The following GSTCD variants were observed in gnomAD, a reference collection of about 807,000 sequenced individuals.
GSTCD encodes the protein glutathione S-transferase C-terminal domain-containing protein.
Under a neutral mutation model 68.3 loss-of-function variants are expected in GSTCD, and 44 were observed. The ratio of observed to expected loss-of-function variants is 0.64; its 90% CI spans 0.51 to 0.83. The LOEUF (loss-of-function observed/expected upper bound fraction) is 0.83. Among genes scored for constraint, GSTCD ranks in the 40% least tolerant of loss-of-function variants. The probability of loss-of-function intolerance (pLI) is 0.00; values close to 1 mark genes in which losing one functional copy is unlikely to be tolerated. For synonymous variants in GSTCD, 273 were observed against 255.2 expected, an observed-to-expected ratio of 1.07 and a Z score of -0.67; for missense variants, 739 against 735.9, an observed-to-expected ratio of 1.00 and a Z score of -0.05.
At chr4:105,844,594 T>C (rs1254659518) in intron 11 of GSTCD, among the ~76,000 whole-genome samples, 1 of 152,220 alleles carries the variant, frequency 6.6e-6, no homozygotes, top group Non-Finnish European at 1.5e-5. Flanking sequence ...TTAGCCATTA[T>C]TATAATTGTT....
chr4:105,738,275 T>G (rs1452656583), intron 5 of GSTCD, among the ~76,000 whole-genome samples: 1 of 152,252 alleles, frequency 6.6e-6, no homozygotes, highest in Non-Finnish European at 1.5e-5. Flanking sequence ...AGTGCCACAC[T>G]ATTTTGGTTA....
At chr4:105,797,265 G>C (rs1735931925) in intron 5 of GSTCD, among the ~76,000 whole-genome samples, 1 of 151,046 alleles carries the variant, frequency 6.6e-6, no homozygotes, top group African/African-American at 2.4e-5. Flanking sequence ...GTTGGAACTT[G>C]TAAATAAATA....
chr4:105,717,944 C>T lies in GSTCD; in HGVS notation c.331C>T (p.His111Tyr). ...CRAGLAVVLR[H>Y]IIQKSYEADP... ...AGCAGGACTTGCTGTTGTATTGAGACACATAATCCAGAAATCCTATGAAGC... is the reference window on the plus strand; with the variant it reads ...AGCAGGACTTGCTGTTGTATTGAGATACATAATCCAGAAATCCTATGAAGC... Residue 111 changes from histidine (H) to tyrosine (Y), a missense_variant, in exon 2 of 12, where the codon CAC becomes TAC. By Grantham distance (83) the His-to-Tyr change is moderately conservative. Coordinates refer to ENST00000515279, the MANE Select transcript of GSTCD (RefSeq NM_001370181.1). 2 of 1,614,014 alleles carry T rather than the reference C, an allele frequency of 1.2e-6. No homozygotes were observed. Among genetic ancestry groups the T allele is most frequent in the Non-Finnish European group, 1.7e-6 (2 of 1,179,910 alleles).
chr4:105,778,533 G>T (rs945424468), intron 5 of GSTCD, among the ~76,000 whole-genome samples: 3 of 152,028 alleles, frequency 2.0e-5, no homozygotes, highest in Non-Finnish European at 4.4e-5. Flanking sequence ...ATGGCTTTAA[G>T]TTGTCAGCTG....
intron 5 of GSTCD, among the ~76,000 whole-genome samples, chr4:105,821,549 TACATTC>T (rs1350545137): frequency 3.9e-5 from 6 of 151,950 alleles, no homozygotes; most frequent in Non-Finnish European, 8.8e-5. Flanking sequence ...ATTTGAAATT[TACATTC>T]ATCCATGCTA....
At chr4:105,842,339 T>C (rs983167990) in intron 11 of GSTCD, among the ~76,000 whole-genome samples, 1 of 152,246 alleles carries the variant, frequency 6.6e-6, no homozygotes, top group African/African-American at 2.4e-5. Flanking sequence ...TTAACTTTAA[T>C]ACTTTTAAAT....
chr4:105,805,031 G>A (rs1244271779), intron 5 of GSTCD, among the ~76,000 whole-genome samples: 2 of 151,962 alleles, frequency 1.3e-5, no homozygotes, highest in Non-Finnish European at 2.9e-5. Flanking sequence ...TCATATTACA[G>A]CTATTATATT....
At chr4:105,743,412 A>G (rs1234483205) in intron 5 of GSTCD, among the ~76,000 whole-genome samples, 1 of 152,058 alleles carries the variant, frequency 6.6e-6, no homozygotes, top group Non-Finnish European at 1.5e-5. Flanking sequence ...ATGACTTGAA[A>G]CTACAGATCC....
At chr4:105,757,402 C>G (rs535482150) in intron 5 of GSTCD, among the ~76,000 whole-genome samples, 2 of 152,320 alleles carry the variant, frequency 1.3e-5, no homozygotes, top group Admixed American at 6.5e-5. Flanking sequence ...TTAATACCAT[C>G]TGGCCAATTA....
chr4:105,797,048 G>A (rs1241845918), intron 5 of GSTCD, among the ~76,000 whole-genome samples: 1 of 136,102 alleles, frequency 7.3e-6, no homozygotes, highest in African/African-American at 2.7e-5. Context: ...AGAGATACAT[G>A]TGTGTGTGTG....
intron 5 of GSTCD, among the ~76,000 whole-genome samples, chr4:105,798,053 A>G (rs749863361): frequency 2.0e-5 from 3 of 152,114 alleles, no homozygotes; most frequent in Non-Finnish European, 4.4e-5. Context: ...AACAATGTTT[A>G]TATAGTGTTC....
intron 5 of GSTCD, among the ~76,000 whole-genome samples, chr4:105,787,052 G>A (rs965419100): frequency 6.6e-6 from 1 of 151,924 alleles, no homozygotes; most frequent in Non-Finnish European, 1.5e-5. Context: ...TCATGTATGT[G>A]CTATATGTGA....
intron 5 of GSTCD, among the ~76,000 whole-genome samples, chr4:105,776,055 A>T (rs1735047363): frequency 6.6e-6 from 1 of 152,188 alleles, no homozygotes; most frequent in African/African-American, 2.4e-5. Context: ...GAGAGGAGGA[A>T]TCTAGAGAGA....
chr4:105,752,477 A>C (rs185954934), intron 5 of GSTCD, among the ~76,000 whole-genome samples: 1 of 152,126 alleles, frequency 6.6e-6, no homozygotes, highest in Non-Finnish European at 1.5e-5. Context: ...ATTGCTTTTT[A>C]AAACAAAATG....
intron 5 of GSTCD, among the ~76,000 whole-genome samples, chr4:105,741,650 G>A (rs1330867582): frequency 6.6e-6 from 1 of 152,168 alleles, no homozygotes; most frequent in African/African-American, 2.4e-5. Context: ...AACTGAAGGA[G>A]ATCTCACATT....
chr4:105,803,176 C>T (rs1736173547), intron 5 of GSTCD, among the ~76,000 whole-genome samples: 1 of 152,072 alleles, frequency 6.6e-6, no homozygotes, highest in Non-Finnish European at 1.5e-5. Context: ...TTTTTCATCT[C>T]ATATGGCAAC....
chr4:105,793,976 A>G (rs1193573782), intron 5 of GSTCD, among the ~76,000 whole-genome samples: 2 of 152,094 alleles, frequency 1.3e-5, no homozygotes, highest in Non-Finnish European at 2.9e-5. Context: ...CATATGTTAT[A>G]TTCCTGTGAA....
chr4:105,742,139 C>G (rs1460590367), intron 5 of GSTCD, among the ~76,000 whole-genome samples: 1 of 152,028 alleles, frequency 6.6e-6, no homozygotes, highest in Non-Finnish European at 1.5e-5. Flanking sequence ...ATTATAATAA[C>G]CATTCTTTTT....
intron 10 of GSTCD, among the ~76,000 whole-genome samples, chr4:105,840,962 GAAAA>G (rs1724308562): frequency 2.6e-5 from 4 of 152,076 alleles, no homozygotes; most frequent in Non-Finnish European, 5.9e-5. Context: ...GGATATCCCA[GAAAA>G]CTACAGAAGC....
Sources: gnomAD v4.1 joint callset for allele counts (sites outside exome capture counted in the v4.1 genomes callset) on GRCh38, gnomAD v4.1.1 for gene constraint, MANE v1.5 for transcripts, NCBI Gene and HGNC (gene_info 2026-07-23, HGNC 2026-07-21) for gene names.